Variants in PIWIL3 observed in about 807,000 individuals in gnomAD.
PIWIL3 encodes the protein piwi-like protein 3.
Under a neutral mutation model 109.7 loss-of-function variants are expected in PIWIL3, and 101 were observed. The observed-to-expected ratio is 0.92, with a 90% CI of 0.78 to 1.09. The LOEUF (loss-of-function observed/expected upper bound fraction) is 1.09. PIWIL3 is among the 50% of genes least tolerant of loss of function. The pLI, the probability that PIWIL3 is intolerant of heterozygous loss-of-function variation, is 0.00. For synonymous variants in PIWIL3, 373 were observed against 376.4 expected (o/e 0.99, Z 0.10); for missense variants, 1,031 against 1,072.6 (o/e 0.96, Z 0.54).
chr22:24,771,786 T>G (rs938475401), intron 1 of PIWIL3, among the ~76,000 whole-genome samples: 8 of 151,650 alleles, frequency 5.3e-5, no homozygotes, highest in Non-Finnish European at 1.2e-4. Flanking sequence ...CAGGCTGGAG[T>G]GCAATGGCAT....
intron 14 of PIWIL3, among the ~76,000 whole-genome samples, chr22:24,729,168 C>T (rs1196414509): frequency 6.6e-6 from 1 of 152,174 alleles, no homozygotes; most frequent in Non-Finnish European, 1.5e-5. Flanking sequence ...GTTACACAGA[C>T]AGCTACACAG....
At chr22:24,730,326 T>C (rs1415760182) in intron 14 of PIWIL3, among the ~76,000 whole-genome samples, 1 of 122,956 alleles carries the variant, frequency 8.1e-6, no homozygotes, top group Non-Finnish European at 1.6e-5. Flanking sequence ...ATTGCATCAC[T>C]ACACTCCAGC....
chr22:24,770,835 A>G (rs1203877387), intron 1 of PIWIL3, among the ~76,000 whole-genome samples: 1 of 151,612 alleles, frequency 6.6e-6, no homozygotes, highest in African/African-American at 2.4e-5. Context: ...ACTCCATCTC[A>G]AAAAAATAAT....
intron 9 of PIWIL3, among the ~76,000 whole-genome samples, chr22:24,751,008 C>T (rs1924675918): frequency 6.6e-6 from 1 of 151,676 alleles, no homozygotes; most frequent in South Asian, 2.1e-4. Flanking sequence ...CCTGTAGTCC[C>T]AGCTACTTGG....
intron 1 of PIWIL3, among the ~76,000 whole-genome samples, chr22:24,771,439 T>C (rs1004131847): frequency 6.9e-6 from 1 of 145,654 alleles, no homozygotes; most frequent in African/African-American, 2.6e-5. Context: ...ATCACACCAC[T>C]GCACTCCAGC....
At chr22:24,738,474 C>T (rs1159377155) in intron 12 of PIWIL3, among the ~76,000 whole-genome samples, 1 of 152,220 alleles carries the variant, frequency 6.6e-6, no homozygotes, top group East Asian at 1.9e-4. Context: ...TCAGGTTGAC[C>T]CCGTGCAGTC....
intron 19 of PIWIL3, among the ~76,000 whole-genome samples, chr22:24,722,146 G>A (rs1476315690): frequency 2.0e-5 from 3 of 152,066 alleles, no homozygotes; most frequent in Non-Finnish European, 4.4e-5. Flanking sequence ...GCAGTGGCAC[G>A]ATCTCCGCTC....
chr22:24,761,130 C>T (rs1925414714), intron 2 of PIWIL3, among the ~76,000 whole-genome samples: 1 of 151,674 alleles, frequency 6.6e-6, no homozygotes. Flanking sequence ...CCACGGACAC[C>T]CGTGGGGGTG....
At chr22:24,760,663 C>T (rs1411059289) in intron 2 of PIWIL3, among the ~76,000 whole-genome samples, 1 of 151,560 alleles carries the variant, frequency 6.6e-6, no homozygotes, top group African/African-American at 2.4e-5. Flanking sequence ...GCCTGTAATC[C>T]CAGCTACTCA....
intron 19 of PIWIL3, among the ~76,000 whole-genome samples, chr22:24,722,202 C>T (rs951408613): frequency 2.0e-5 from 3 of 152,146 alleles, no homozygotes; most frequent in South Asian, 2.1e-4. Flanking sequence ...CCTGCCTCAG[C>T]CTCCTGCCTA....
At chr22:24,772,014 G>C (rs1234217724) in intron 1 of PIWIL3, among the ~76,000 whole-genome samples, 1 of 152,166 alleles carries the variant, frequency 6.6e-6, no homozygotes, top group Non-Finnish European at 1.5e-5. Context: ...TAATGAACAA[G>C]CTATAGTGCT....
intron 3 of PIWIL3, 39 bp downstream of exon 3, chr22:24,759,830 G>A (rs551419146): frequency 1.9e-6 from 3 of 1,613,326 alleles, no homozygotes; most frequent in Admixed American, 3.3e-5. Flanking sequence ...CACACATGAA[G>A]CATCCCCTGC....
chr22:24,744,700 T>C (rs1924250899), intron 12 of PIWIL3, among the ~76,000 whole-genome samples: 1 of 152,194 alleles, frequency 6.6e-6, no homozygotes, highest in Admixed American at 6.5e-5. Flanking sequence ...GATATGACAA[T>C]TGTAAATATA....
At chr22:24,731,437 G>A (rs1239547245) in intron 14 of PIWIL3, among the ~76,000 whole-genome samples, 1 of 152,128 alleles carries the variant, frequency 6.6e-6, no homozygotes, top group African/African-American at 2.4e-5. Flanking sequence ...CAGATCACAA[G>A]GTCAGGAGAT....
rs767821651 is a variant in PIWIL3 at position 24,725,469 on chromosome 22, T to C, written c.2056A>G (p.Lys686Glu). Residue 686 changes from lysine to glutamate, a missense_variant, in exon 17 of 21, where the codon AAA becomes GAA. Physicochemically the swap from Lys to Glu is moderately conservative, Grantham distance 56 (BLOSUM62 1). Transcript: ENST00000616349. ...VIQKTGEELV[K>E]ELEICLKAAL... Reference sequence around the variant, plus strand: ...CCTTTCAAGCAGATCTCCAGCTCTTTCACAAGCTCTTCTCCTGTTTTCTGG... The same window carrying C: ...CCTTTCAAGCAGATCTCCAGCTCTTCCACAAGCTCTTCTCCTGTTTTCTGG... 3.1e-6 allele frequency: 5 copies of C among 1,613,934 alleles called. No individual in the cohort carries two copies. Among genetic ancestry groups the C allele is most frequent in the Non-Finnish European group, 4.2e-6 (5 of 1,180,056 alleles).
At chr22:24,746,821 A>G (rs1924401413) in intron 12 of PIWIL3, among the ~76,000 whole-genome samples, 1 of 152,108 alleles carries the variant, frequency 6.6e-6, no homozygotes, top group African/African-American at 2.4e-5. Context: ...AATGAAAACT[A>G]TAAAACACTG....
intron 8 of PIWIL3, 110 bp downstream of exon 8, chr22:24,753,904 T>C: frequency 1.1e-6 from 1 of 919,478 alleles, no homozygotes; most frequent in East Asian, 2.5e-5. Context: ...TCTTGCAATT[T>C]CTACTCCTCA....
At position 24,735,844 on chromosome 22, in the gene PIWIL3, G is replaced by A; in HGVS notation, c.1498C>T (p.Pro500Ser). Residue 500 changes from proline (P) to serine (S), a missense_variant, in exon 13 of 21, where the codon CCC becomes TCC. By Grantham distance (74) the Pro-to-Ser change is moderately conservative (BLOSUM62 -1). Coordinates refer to ENST00000616349, the MANE Select transcript of PIWIL3 (RefSeq NM_001255975.1). ...TGTAGTGGCATTGCATTAAGTAAGG[G>A]TAATTCTCTTATTTCTCTTGACCAG... ...GDWSREIREL[P>S]LLNAMPLHSW... 3 of 1,611,900 alleles carry A rather than the reference G, an allele frequency of 1.9e-6. No homozygotes were observed. The highest frequency in any genetic ancestry group is 1.7e-5 in the Admixed American group (1 of 59,444).
intron 1 of PIWIL3, among the ~76,000 whole-genome samples, chr22:24,763,010 G>A (rs561985924): frequency 1.7e-4 from 26 of 151,858 alleles, no homozygotes; most frequent in African/African-American, 5.8e-4. Context: ...TTTTTTTTCC[G>A]TTACTATTAC....
Sources: allele counts gnomAD v4.1 joint callset (sites outside exome capture counted in the v4.1 genomes callset), GRCh38; gene constraint gnomAD v4.1.1; transcripts MANE v1.5; gene names NCBI Gene and HGNC (gene_info 2026-07-23, HGNC 2026-07-21).